PTPRA: variants seen among roughly 807,000 people sequenced by gnomAD.
The protein encoded by PTPRA is receptor-type tyrosine-protein phosphatase alpha.
In PTPRA, 25 loss-of-function variants were observed where a neutral mutation model predicts 104.8. That is an observed-to-expected ratio of 0.24 (90% CI 0.17 to 0.33). The LOEUF is 0.33. Ranked by LOEUF, PTPRA falls within the 10% of genes least tolerant of loss-of-function variation. The pLI is 1.00. For missense variants in PTPRA, 765 were observed against 1,015.3 expected (o/e 0.75, Z 3.35); for synonymous variants, 323 against 368.9 (o/e 0.88, Z 1.43).
intron 9 of PTPRA, among the ~76,000 whole-genome samples, chr20:2,994,402 G>C (rs554689867): frequency 3.3e-5 from 5 of 152,268 alleles, no homozygotes; most frequent in Non-Finnish European, 5.9e-5. Flanking sequence ...GCTTCACAAT[G>C]AATTATTCAC....
chr20:3,029,945 G>A (rs996904838), intron 20 of PTPRA, among the ~76,000 whole-genome samples: 1 of 152,188 alleles, frequency 6.6e-6, no homozygotes, highest in Non-Finnish European at 1.5e-5. Context: ...ATGAGCCACT[G>A]TGTTCTCAGG....
intron 1 of PTPRA, among the ~76,000 whole-genome samples, chr20:2,897,436 G>A (rs1451513219): frequency 1.4e-5 from 2 of 141,518 alleles, no homozygotes; most frequent in Non-Finnish European, 3.0e-5. Context: ...CACCCAGGCT[G>A]GAGTGCAATG....
intron 11 of PTPRA, among the ~76,000 whole-genome samples, chr20:3,013,775 C>T (rs1016636266): frequency 1.3e-5 from 2 of 152,096 alleles, no homozygotes; most frequent in Admixed American, 6.5e-5. Context: ...CCACCTAGAG[C>T]CCACTGAGAT....
At chr20:2,920,797 T>G (rs1319103232) in intron 1 of PTPRA, among the ~76,000 whole-genome samples, 1 of 149,608 alleles carries the variant, frequency 6.7e-6, no homozygotes, top group South Asian at 2.2e-4. Context: ...AAGTGATGGC[T>G]GGGATGGGGG....
At chr20:2,995,005 C>G (rs2063341886) in intron 9 of PTPRA, among the ~76,000 whole-genome samples, 1 of 152,180 alleles carries the variant, frequency 6.6e-6, no homozygotes, top group African/African-American at 2.4e-5. Context: ...TGGTGAGTGC[C>G]TGTAATCCCA....
intron 2 of PTPRA, among the ~76,000 whole-genome samples, chr20:2,933,525 A>G (rs1341316117): frequency 1.3e-5 from 2 of 151,816 alleles, no homozygotes; most frequent in Non-Finnish European, 2.9e-5. Flanking sequence ...CAGTGGTGCC[A>G]TCTCTGCTCA....
intron 1 of PTPRA, among the ~76,000 whole-genome samples, chr20:2,886,616 G>A (rs960038634): frequency 4.0e-5 from 6 of 151,586 alleles, no homozygotes; most frequent in East Asian, 1.9e-4. Context: ...AGGCCGAGGC[G>A]GGCGGATCAC....
At chr20:3,000,855 G>A (rs1441520512) in intron 9 of PTPRA, among the ~76,000 whole-genome samples, 1 of 152,050 alleles carries the variant, frequency 6.6e-6, no homozygotes, top group Non-Finnish European at 1.5e-5. Context: ...TACAAATAAA[G>A]GAATGTAATG....
At chr20:3,036,827 A>T (rs2065822521) in intron 22 of PTPRA, among the ~76,000 whole-genome samples, 1 of 152,194 alleles carries the variant, frequency 6.6e-6, no homozygotes, top group Non-Finnish European at 1.5e-5. Flanking sequence ...ACAGGACTAG[A>T]GCTAGTTCTA....
chr20:2,969,369 T>G (rs1278899161), intron 5 of PTPRA, among the ~76,000 whole-genome samples: 1 of 151,518 alleles, frequency 6.6e-6, no homozygotes, highest in East Asian at 2.0e-4. Context: ...TGCCTCAGCC[T>G]CCTGAGTAGC....
At chr20:2,960,807 G>A (rs1484026579) in intron 3 of PTPRA, among the ~76,000 whole-genome samples, 1 of 151,368 alleles carries the variant, frequency 6.6e-6, no homozygotes, top group Non-Finnish European at 1.5e-5. Context: ...AAGGTGTTGG[G>A]ATTACAGGCA....
At chr20:2,965,515 G>A (rs2061912565) in intron 5 of PTPRA, among the ~76,000 whole-genome samples, 2 of 152,206 alleles carry the variant, frequency 1.3e-5, no homozygotes. Context: ...GACTGAAGAT[G>A]AAAAGATACA....
Position 2,965,029 on chromosome 20 carries a change from C to A in PTPRA, c.242C>A (p.Ser81Tyr). 1.2e-6 allele frequency: 2 copies of A among 1,614,146 alleles called. No homozygotes were observed. The highest frequency in any genetic ancestry group is 1.6e-4 in the Middle Eastern group (1 of 6,062). ...CCCACCTATTTAACCACTGTCAATT[C>A]TTCAGACTCTGACAATGGGACCACA... ...LGPTYLTTVNSSDSDNGTTRT... is the reference protein window; with the variant it reads ...LGPTYLTTVNYSDSDNGTTRT... Residue 81 changes from serine (S) to tyrosine (Y), a missense_variant, in exon 5 of 24, where the codon TCT becomes TAT. By Grantham distance (144) the Ser-to-Tyr change is moderately radical. Coordinates refer to ENST00000399903, the MANE Select transcript of PTPRA (RefSeq NM_001385305.1).
At chr20:2,895,092 T>C (rs935654971) in intron 1 of PTPRA, among the ~76,000 whole-genome samples, 4 of 152,092 alleles carry the variant, frequency 2.6e-5, no homozygotes, top group African/African-American at 9.7e-5. Flanking sequence ...TATTTATTTA[T>C]TTTAGACAGA....
chr20:3,027,626 T>A, intron 19 of PTPRA, 81 bp from the exon 20 acceptor site: 2 of 1,531,702 alleles, frequency 1.3e-6, no homozygotes, highest in Non-Finnish European at 1.8e-6. Flanking sequence ...CAGTCCCCAT[T>A]CCCTTCTAGT....
At chr20:3,024,399 G>A in intron 16 of PTPRA, 73 bp from the exon 17 acceptor site, 1 of 1,439,116 alleles carries the variant, frequency 6.9e-7, no homozygotes, top group South Asian at 1.2e-5. Flanking sequence ...GTGAAGTGGG[G>A]GTGGGAACAG....
intron 3 of PTPRA, among the ~76,000 whole-genome samples, chr20:2,963,639 T>C (rs1273844042): frequency 6.6e-6 from 1 of 152,034 alleles, no homozygotes; most frequent in African/African-American, 2.4e-5. Context: ...TTTTTACAGG[T>C]TGGATATCTC....
chr20:3,012,279 G>T (rs2064209779), intron 11 of PTPRA, among the ~76,000 whole-genome samples: 1 of 152,206 alleles, frequency 6.6e-6, no homozygotes, highest in South Asian at 2.1e-4. Context: ...GGATTTAGGA[G>T]GGGCCAATTG....
chr20:2,984,302 G>A (rs1169014028), intron 6 of PTPRA, among the ~76,000 whole-genome samples: 5 of 152,108 alleles, frequency 3.3e-5, no homozygotes, highest in African/African-American at 1.2e-4. Flanking sequence ...CCCCACGAAA[G>A]GACCCAGTGT....
Sources: gnomAD v4.1 joint callset for allele counts (sites outside exome capture counted in the v4.1 genomes callset) on GRCh38, gnomAD v4.1.1 for gene constraint, MANE v1.5 for transcripts, NCBI Gene and HGNC (gene_info 2026-07-23, HGNC 2026-07-21) for gene names.